DHRSX: variants seen among roughly 807,000 people sequenced by gnomAD.
DHRSX encodes the protein dehydrogenase/reductase X-linked.
DHRSX carries 31 observed loss-of-function variants against 34.0 expected under a neutral mutation model. The observed-to-expected ratio is 0.91, with a 90% confidence interval of 0.69 to 1.23. The LOEUF is 1.23. Among genes scored for constraint, DHRSX ranks in the 50% most tolerant of loss-of-function variants. The pLI is 0.00. For missense variants in DHRSX, 414 were observed against 428.1 expected, an observed-to-expected ratio of 0.97 and a Z score of 0.29; for synonymous variants, 201 against 183.8, an observed-to-expected ratio of 1.09 and a Z score of -0.76.
In DHRSX at chrX:2,476,858, C is replaced by T. The variant is rs146275286; in HGVS notation, c.109+23959G>A. Reference sequence around the variant, plus strand: ...TCTCTACTAAAAATACAAAATTAGCCGGGTGTGGTAGTGCATGCCTGTAAT... The same window carrying T: ...TCTCTACTAAAAATACAAAATTAGCTGGGTGTGGTAGTGCATGCCTGTAAT... On this transcript the variant is annotated intron_variant, in intron 1 of 6. Coordinates refer to ENST00000334651, the MANE Select transcript of DHRSX (RefSeq NM_145177.3). 7.1e-3 allele frequency among the ~76,000 whole-genome samples: 1,086 copies of T among 152,068 alleles called. 12 individuals carry two copies. The highest frequency in any genetic ancestry group is 0.012 in the Non-Finnish European group (795 of 67,974).
chrX:2,438,583 G>A (rs1206373214), intron 1 of DHRSX, among the ~76,000 whole-genome samples: 1 of 151,086 alleles, frequency 6.6e-6, no homozygotes, highest in Non-Finnish European at 1.5e-5. Context: ...CAGGAGAATC[G>A]CTTGAACCCA....
rs1380150359 is a variant in DHRSX, at chrX:2,219,824, G to T, written c.*1217C>A. 1 of 152,178 alleles carries T rather than the reference G, an allele frequency of 6.6e-6. No individual in the cohort carries two copies. The highest frequency in any genetic ancestry group is 2.4e-5 in the African/African-American group (1 of 41,440). 9.4% of individuals were successfully genotyped at this position (152,178 alleles called of 1,614,324 possible). A position where few individuals can be genotyped will look rare whatever the true frequency, so the allele number is the denominator to read the frequency against. The stretch of plus-strand genomic sequence containing the variant: ...GTACTTTCTCAAAAGCATTGCAAAT[G>T]ACTGATTTCTCTATGTTGAAATTTG... On this transcript the variant is annotated 3_prime_UTR_variant, in exon 7 of 7. Coordinates refer to ENST00000334651, the MANE Select transcript of DHRSX (RefSeq NM_145177.3).
chrX:2,232,033 C>CCTACTCCCTTACTT (rs2015904143), intron 6 of DHRSX, among the ~76,000 whole-genome samples: 1 of 145,118 alleles, frequency 6.9e-6, no homozygotes, highest in East Asian at 2.0e-4. Context: ...TCTTCCTTCT[C>CCTACTCCCTTACTT]CTCCTTTTTC....
intron 3 of DHRSX, among the ~76,000 whole-genome samples, chrX:2,346,241 G>C (rs1364383044): frequency 2.1e-5 from 1 of 47,606 alleles, no homozygotes; most frequent in Admixed American, 2.9e-4. Context: ...CTACAGAGGT[G>C]CATCTGACAT....
At chrX:2,487,282 T>C (rs1188651853) in intron 1 of DHRSX, 1 of 152,112 alleles carries the variant, frequency 6.6e-6, no homozygotes, top group Non-Finnish European at 1.5e-5. Flanking sequence ...AAAAACACCT[T>C]ATGTGGAAAA....
chrX:2,286,191 C>T (rs1201677227), intron 4 of DHRSX, among the ~76,000 whole-genome samples: 1 of 151,962 alleles, frequency 6.6e-6, no homozygotes. Context: ...TTGCTTCTTC[C>T]CTAAATCCAG....
chrX:2,348,844 C>T (rs36082295), intron 3 of DHRSX, among the ~76,000 whole-genome samples: 12,407 of 151,984 alleles, frequency 0.082, 564 homozygotes, highest in Middle Eastern at 0.13. Context: ...CAGGCACCCA[C>T]GACCACACTC....
At chrX:2,500,127 G>C (rs1215946830) in intron 1 of DHRSX, among the ~76,000 whole-genome samples, 2 of 152,240 alleles carry the variant, frequency 1.3e-5, no homozygotes, top group Admixed American at 1.3e-4. Context: ...AGTTCAGACA[G>C]TGAACGAGTC....
At chrX:2,400,746 C>T (rs1049772076) in intron 3 of DHRSX, among the ~76,000 whole-genome samples, 1 of 152,194 alleles carries the variant, frequency 6.6e-6, no homozygotes, top group Non-Finnish European at 1.5e-5. Context: ...AACAAGCATT[C>T]ATCCTACACT....
intron 1 of DHRSX, among the ~76,000 whole-genome samples, chrX:2,426,212 T>C (rs189763267): frequency 3.2e-4 from 49 of 152,284 alleles, no homozygotes; most frequent in African/African-American, 1.2e-3. Flanking sequence ...ACTTGGTTAA[T>C]ACAGTTTGCT....
intron 3 of DHRSX, among the ~76,000 whole-genome samples, chrX:2,370,110 C>A (rs2043039306): frequency 6.6e-6 from 1 of 152,130 alleles, no homozygotes; most frequent in African/African-American, 2.4e-5. Flanking sequence ...ACAATGACAC[C>A]TGCAGATGGC....
chrX:2,327,178 C>T (rs1278329469), intron 3 of DHRSX, among the ~76,000 whole-genome samples: 16 of 152,222 alleles, frequency 1.1e-4, no homozygotes, highest in Admixed American at 1.0e-3. Flanking sequence ...CGGCCATGTA[C>T]TCAGCCATTC....
rs1447567756 is a variant in DHRSX at position 2,259,402 on chromosome X, A to ATC, written c.596+7337_596+7338insGA. ...TATATATATAGATATATAGATATAT[A>ATC]TATAGATATAGATATATACAATAAA... On this transcript the variant is annotated intron_variant, in intron 5 of 6. Transcript: ENST00000334651. 1.3e-4 allele frequency among the ~76,000 whole-genome samples: 17 copies of ATC among 130,890 alleles called. No individual in the cohort carries two copies. In the Admixed American group the frequency reaches 1.5e-3, roughly 11 times the overall value. 85.9% of individuals were successfully genotyped at this position (130,890 alleles called of 152,430 possible).
At chrX:2,323,157 G>C (rs1476632577) in intron 3 of DHRSX, among the ~76,000 whole-genome samples, 10 of 152,222 alleles carry the variant, frequency 6.6e-5, no homozygotes, top group African/African-American at 2.2e-4. Context: ...GCTCAAAGAG[G>C]TACAAGAACC....
At position 2,480,444 on chromosome X, in the gene DHRSX, G is replaced by A. The variant is rs1330540396; in HGVS notation, c.109+20373C>T. 6.0e-5 allele frequency among the ~76,000 whole-genome samples: 9 copies of A among 150,678 alleles called. No homozygotes were observed. The Admixed American group carries it at 6.0e-4, about 10-fold the overall frequency. Reference sequence around the variant, plus strand: ...TGTCTGGAATCACAATGCTATGGAAGGCTGAGGAAGGAGGATCACTGGAGG... The same window carrying A: ...TGTCTGGAATCACAATGCTATGGAAAGCTGAGGAAGGAGGATCACTGGAGG... On this transcript the variant is annotated intron_variant, in intron 1 of 6. Coordinates refer to ENST00000334651, the MANE Select transcript of DHRSX (RefSeq NM_145177.3).
chrX:2,271,750 G>GA (rs980599849), intron 4 of DHRSX, among the ~76,000 whole-genome samples: 3 of 152,030 alleles, frequency 2.0e-5, no homozygotes, highest in African/African-American at 7.2e-5. Context: ...GAGTTATCCA[G>GA]AAAAAAAGCC....
Position 2,300,027 on chromosome X carries a change from T to C in DHRSX, c.287-8424A>G, listed in dbSNP as rs769754788. 2.6e-5 allele frequency among the ~76,000 whole-genome samples: 4 copies of C among 151,948 alleles called. No individual in the cohort carries two copies. The South Asian group carries it at 8.3e-4, about 32-fold the overall frequency. On this transcript the variant is annotated intron_variant, in intron 3 of 6. Coordinates refer to ENST00000334651, the MANE Select transcript of DHRSX (RefSeq NM_145177.3). The stretch of plus-strand genomic sequence containing the variant: ...AATAGGGATCAAGAAGAAAAAAAAA[T>C]TCCTTTTGTTTGGAGTTCTGGCAAA...
At chrX:2,448,497 G>T (rs1213169315) in intron 1 of DHRSX, among the ~76,000 whole-genome samples, 2 of 149,762 alleles carry the variant, frequency 1.3e-5, no homozygotes, top group Non-Finnish European at 3.0e-5. Flanking sequence ...TAGGTGAGGT[G>T]ATATAGGTTA....
chrX:2,444,955 G>C (rs1352202871), intron 1 of DHRSX, among the ~76,000 whole-genome samples: 9 of 152,208 alleles, frequency 5.9e-5, no homozygotes, highest in East Asian at 1.9e-4. Flanking sequence ...TCAGGAGTTC[G>C]AGACCAGCCT....
Sources: gnomAD v4.1 joint callset for allele counts (sites outside exome capture counted in the v4.1 genomes callset) on GRCh38, gnomAD v4.1.1 for gene constraint, MANE v1.5 for transcripts, NCBI Gene and HGNC (gene_info 2026-07-23, HGNC 2026-07-21) for gene names.